EPB42: variants seen among roughly 807,000 people sequenced by gnomAD.
EPB42 encodes erythrocyte membrane protein band 4.2.
Under a neutral mutation model 76.9 loss-of-function variants are expected in EPB42, and 49 were observed. The observed-to-expected ratio is 0.64, with a 90% CI of 0.51 to 0.81. The LOEUF (loss-of-function observed/expected upper bound fraction) is 0.81, where lower values mean the gene tolerates loss of function less well. Among genes scored for constraint, EPB42 ranks in the 30% least tolerant of loss-of-function variants. The probability of loss-of-function intolerance (pLI) is 0.00; values close to 1 mark genes in which losing one functional copy is unlikely to be tolerated. For missense variants in EPB42, 731 were observed against 867.6 expected, an observed-to-expected ratio of 0.84 and a Z score of 1.98; for synonymous variants, 310 against 338.4, an observed-to-expected ratio of 0.92 and a Z score of 0.92.
At chr15:43,211,656 C>T in intron 3 of EPB42, 122 bp from the exon 4 acceptor site, 1 of 756,630 alleles carries the variant, frequency 1.3e-6, no homozygotes, top group Non-Finnish European at 2.4e-6. Flanking sequence ...AGCTCTGGGC[C>T]TAATGAAGAC....
At chr15:43,216,508 A>G in intron 1 of EPB42, 55 bp from the exon 2 acceptor site, 2 of 1,582,578 alleles carry the variant, frequency 1.3e-6, no homozygotes, top group Non-Finnish European at 1.7e-6. Context: ...CAATGTAAGT[A>G]CAAGCAGAGA....
rs1260580100 is a variant in EPB42 at position 43,207,423 on chromosome 15, A to G, written c.1094T>C (p.Leu365Pro). The change falls in exon 9 of 13, where the codon CTG becomes CCG. Residue 365 changes from leucine (L) to proline (P), a missense_variant. Physicochemically the swap from Leu to Pro is moderately conservative, Grantham distance 98. Coordinates refer to ENST00000441366, the MANE Select transcript of EPB42 (RefSeq NM_001114134.2). The stretch of plus-strand genomic sequence containing the variant: ...CTCCTTGACTGCTCTGACCGGCACC[A>G]GATCACAGGACCCCAGGACTGAGGG... ...NGGGVLGSCD[L>P]VPVRAVKEGT... 1 of 1,613,968 alleles carries G rather than the reference A, an allele frequency of 6.2e-7. No individual in the cohort carries two copies. The highest frequency in any genetic ancestry group is 8.5e-7 in the Non-Finnish European group (1 of 1,180,024).
chr15:43,214,816 A>T (rs1324516037), intron 3 of EPB42, among the ~76,000 whole-genome samples: 2 of 152,200 alleles, frequency 1.3e-5, no homozygotes, highest in Non-Finnish European at 2.9e-5. Context: ...CCTGTGACCA[A>T]AATAGCCTGA....
At position 43,206,177 on chromosome 15, in the gene EPB42, T is replaced by C; in HGVS notation, c.1618+153A>G. 1.3e-6 allele frequency: 1 copy of C among 779,890 alleles called. No homozygotes were observed. The highest frequency in any genetic ancestry group is 2.0e-6 in the Non-Finnish European group (1 of 509,190). 48.3% of individuals were successfully genotyped at this position (779,890 alleles called of 1,614,324 possible). On this transcript the variant is annotated intron_variant, in intron 10 of 12. Coordinates refer to ENST00000441366, the MANE Select transcript of EPB42 (RefSeq NM_001114134.2). This position sits in a 1 kb window ranked among gnomAD's most constrained non-coding sequence, Gnocchi z 4.7. ...TCAGGCCCAATAAATATGTGTTGAA[T>C]GAATGAATGAGAGAGAACATGAGAG... is the stretch of plus-strand genomic sequence containing the variant.
Position 43,206,009 on chromosome 15 carries a change from T to G in EPB42, c.1618+321A>C. The stretch of plus-strand genomic sequence containing the variant: ...CTTCCAGATTCCATGCAGTACAATT[T>G]ATTTGGGGGCAGCTTATTCCAGCCT... On this transcript the variant is annotated intron_variant, in intron 10 of 12. Coordinates refer to ENST00000441366, the MANE Select transcript of EPB42 (RefSeq NM_001114134.2). This position sits in a 1 kb window ranked among gnomAD's most constrained non-coding sequence, Gnocchi z 4.7. The G allele has an allele frequency of 3.6e-6, 1 of 277,276 alleles. No individual in the cohort carries two copies. 17.2% of individuals were successfully genotyped at this position (277,276 alleles called of 1,614,324 possible). A position where few individuals can be genotyped will look rare whatever the true frequency, so the allele number is the denominator to read the frequency against.
In EPB42 at chr15:43,203,244, G is replaced by A. The variant is rs766564564; in HGVS notation, c.1650C>T (p.Ser550=). Residue 550 remains serine, a synonymous_variant, in exon 11 of 13, where the codon TCC becomes TCT. Transcript: ENST00000441366. ...TCTCGGGTGGGTTTCGCTCAAAATT[G>A]GAGAAGAACAGGCCGATGGTTATTA... The part of the protein sequence containing the change: ...EKIITIGLFF[S]NFERNPPENT... The A allele has an allele frequency of 4.3e-6, 7 of 1,614,172 alleles. No individual in the cohort carries two copies. In the South Asian group the frequency reaches 6.6e-5, roughly 15 times the overall value.
At chr15:43,222,740 T>C (rs1308883091), upstream of EPB42, among the ~76,000 whole-genome samples, 3 of 152,238 alleles carry the variant, frequency 2.0e-5, no homozygotes, top group Non-Finnish European at 2.9e-5. Context: ...ATGTGGCACT[T>C]CAAATCCATG....
intron 8 of EPB42, 152 bp from the exon 9 acceptor site, chr15:43,207,593 T>A (rs2042225309): frequency 1.5e-6 from 2 of 1,307,842 alleles, no homozygotes; most frequent in Admixed American, 2.1e-5. Context: ...TCTGAGAGAG[T>A]CACAGAGGTG....
upstream of EPB42, among the ~76,000 whole-genome samples, chr15:43,221,433 T>C (rs2042459265): frequency 6.6e-6 from 1 of 152,194 alleles, no homozygotes; most frequent in South Asian, 2.1e-4. Flanking sequence ...AATAAATGTA[T>C]TAAAAGTAGA....
At chr15:43,212,771 T>C (rs557716363) in intron 3 of EPB42, among the ~76,000 whole-genome samples, 2 of 152,272 alleles carry the variant, frequency 1.3e-5, no homozygotes, top group East Asian at 3.9e-4. Context: ...TGGGCGACTT[T>C]GGGGCCATCA....
chr15:43,202,969 T>A lies in EPB42; in HGVS notation c.1779+146A>T, dbSNP rs75459850. 1.3e-3 allele frequency: 1,373 copies of A among 1,024,976 alleles called. 12 individuals are homozygous for A. The African/African-American group carries it at 0.019, about 14-fold the overall frequency. 63.5% of individuals were successfully genotyped at this position (1,024,976 alleles called of 1,614,324 possible). ...TTAATAGGGCATGTAAGAAACTATG[T>A]CTTTCAAGGGAAGGAGCTCTTAAAT... On this transcript the variant is annotated intron_variant, in intron 11 of 12. Coordinates refer to ENST00000441366, the MANE Select transcript of EPB42 (RefSeq NM_001114134.2).
In EPB42 at chr15:43,206,323, G is replaced by A; in HGVS notation, c.1618+7C>T. 6.2e-7 allele frequency: 1 copy of A among 1,605,338 alleles called. No homozygotes were observed. The highest frequency in any genetic ancestry group is 8.5e-7 in the Non-Finnish European group (1 of 1,173,378). Reference sequence around the variant, plus strand: ...GGGGGGTGTCTGGTGGGGCCATAGAGCATTACCCAGGTTGGCACTGAGCGT... The same window carrying A: ...GGGGGGTGTCTGGTGGGGCCATAGAACATTACCCAGGTTGGCACTGAGCGT... On this transcript the variant is annotated splice_region_variant and intron_variant, in intron 10 of 12. Transcript: ENST00000441366. This position sits in a 1 kb window ranked among gnomAD's most constrained non-coding sequence, Gnocchi z 4.7.
intron 3 of EPB42, among the ~76,000 whole-genome samples, chr15:43,213,806 T>C (rs2042335638): frequency 6.6e-6 from 1 of 152,178 alleles, no homozygotes; most frequent in South Asian, 2.1e-4. Context: ...GCCTGCGCCC[T>C]TGGAGCAGGA....
chr15:43,222,138 GA>G (rs201705216), upstream of EPB42, among the ~76,000 whole-genome samples: 7,286 of 124,068 alleles, frequency 0.059, 486 homozygotes, highest in African/African-American at 0.18. Flanking sequence ...CTCCATCTCA[GA>G]AAAAAAAAAA....
chr15:43,215,199 GGT>G lies in EPB42; in HGVS notation c.324_325del (p.Pro109CysfsTer30). The G allele has an allele frequency of 6.2e-7, 1 of 1,614,222 alleles. No individual in the cohort carries two copies. The highest frequency in any genetic ancestry group is 8.5e-7 in the Non-Finnish European group (1 of 1,180,046). ...GTAGTGGCCAATGACAGCGTCCGCA[GGT>G]GTGGTCACAGAGATGGTCCAGGACT... is the stretch of plus-strand genomic sequence containing the variant. On this transcript the variant is annotated frameshift_variant, in exon 3 of 13. Coordinates refer to ENST00000441366, the MANE Select transcript of EPB42 (RefSeq NM_001114134.2). LOFTEE classifies it high-confidence loss of function.
intron 2 of EPB42, 62 bp downstream of exon 2, chr15:43,216,206 C>T: frequency 6.3e-7 from 1 of 1,594,716 alleles, no homozygotes; most frequent in Admixed American, 1.7e-5. Context: ...TAACAGGGTG[C>T]TGGAGAGAAC....
At chr15:43,198,656 A>G (rs1411075707) in intron 12 of EPB42, among the ~76,000 whole-genome samples, 5 of 152,362 alleles carry the variant, frequency 3.3e-5, no homozygotes, top group Non-Finnish European at 2.9e-5. Flanking sequence ...AGAAATTTGC[A>G]TAAGTAACAA....
chr15:43,215,316 G>C lies in EPB42; in HGVS notation c.209C>G (p.Ser70Cys). ...TGTGGCTTGGGTCCTGTTGATCTTGGAAGGCTGCTCTCCTGTAGTCACACG... is the reference window on the plus strand; with the variant it reads ...TGTGGCTTGGGTCCTGTTGATCTTGCAAGGCTGCTCTCCTGTAGTCACACG... ...ALTAQTGEQP[S>C]KINRTQATFP... is the part of the protein sequence containing the mutation. Residue 70 changes from serine to cysteine, a missense_variant, in exon 3 of 13, where the codon TCC (serine) becomes TGC (cysteine). Transcript: ENST00000441366. 1 of 1,614,234 alleles carries C rather than the reference G, an allele frequency of 6.2e-7. No homozygotes were observed. Among genetic ancestry groups the C allele is most frequent in the Non-Finnish European group, 8.5e-7 (1 of 1,180,040 alleles).
At position 43,206,955 on chromosome 15, in the gene EPB42, T is replaced by C. The variant is rs1175698377; in HGVS notation, c.1318+244A>G. Among the ~76,000 whole-genome samples, 1 of 152,202 alleles carries C rather than the reference T, an allele frequency of 6.6e-6. No homozygotes were observed. The highest frequency in any genetic ancestry group is 2.4e-5 in the African/African-American group (1 of 41,438). On this transcript the variant is annotated intron_variant, in intron 9 of 12. Coordinates refer to ENST00000441366, the MANE Select transcript of EPB42 (RefSeq NM_001114134.2). The surrounding 1 kb of genome is among the most constrained non-coding windows in gnomAD (Gnocchi z 4.7). ...TTTTGCAGGGAACTGAATTTTCCTA[T>C]GTGAAAGAATTTAGACTTCCTCTGA...
Sources: allele counts gnomAD v4.1 joint callset (sites outside exome capture counted in the v4.1 genomes callset), GRCh38; gene constraint gnomAD v4.1.1; non-coding constraint Gnocchi (gnomAD v3.1); transcripts MANE v1.5; gene names NCBI Gene and HGNC (gene_info 2026-07-23, HGNC 2026-07-21).